Variants in TDRD9 observed in about 807,000 individuals in gnomAD.
TDRD9 encodes the protein ATP-dependent RNA helicase TDRD9.
In TDRD9, 124 loss-of-function variants were observed where a neutral mutation model predicts 172.6. That is an observed-to-expected ratio of 0.72 (90% CI 0.62 to 0.83). TDRD9 has a LOEUF of 0.83. TDRD9 is among the 40% of genes least tolerant of loss of function. TDRD9 has a pLI of 0.00. For missense variants in TDRD9, 1,479 were observed against 1,714.1 expected (o/e 0.86, Z 2.42); for synonymous variants, 619 against 617.1 (o/e 1.00, Z -0.05).
Position 104,016,016 on chromosome 14 carries a change from T to G in TDRD9, c.2259T>G (p.Phe753Leu). 1 of 1,601,240 alleles carries G rather than the reference T, an allele frequency of 6.2e-7. No individual in the cohort carries two copies. The highest frequency in any genetic ancestry group is 1.1e-5 in the South Asian group (1 of 88,506). The change falls in exon 22 of 36, where the codon TTT (phenylalanine) becomes TTG (leucine). Residue 753 changes from phenylalanine (F) to leucine (L), a missense_variant. Coordinates refer to ENST00000409874, the MANE Select transcript of TDRD9 (RefSeq NM_153046.3). ...CAGGTGCTTTCTATCCAAATTACTTTACTTTTGGACAGCCGGATGAGGAGA... is the reference window on the plus strand; with the variant it reads ...CAGGTGCTTTCTATCCAAATTACTTGACTTTTGGACAGCCGGATGAGGAGA... The part of the protein sequence containing the change: ...VLAGAFYPNY[F>L]TFGQPDEEMA...
rs184022589 is a variant in TDRD9, at chr14:103,970,082, G to T, written c.766-459G>T. Among the ~76,000 whole-genome samples the T allele has an allele frequency of 6.6e-5, 10 of 152,254 alleles. No individual in the cohort carries two copies. The South Asian group carries it at 2.1e-3, about 32-fold the overall frequency. ...GTCCTGTAGGGGTCACATGGCTCCC[G>T]GTCAGTGTTAGACTGGCACATCTTC... On this transcript the variant is annotated intron_variant, in intron 5 of 35. Coordinates refer to ENST00000409874, the MANE Select transcript of TDRD9 (RefSeq NM_153046.3).
At chr14:104,044,725 A>G (rs1457114100) in intron 34 of TDRD9, among the ~76,000 whole-genome samples, 5 of 152,238 alleles carry the variant, frequency 3.3e-5, no homozygotes, top group Non-Finnish European at 1.5e-5. Flanking sequence ...GTATTTGGCC[A>G]TTATGAAGAA....
At chr14:104,003,624 TTA>T (rs2034334463) in intron 13 of TDRD9, among the ~76,000 whole-genome samples, 1 of 152,202 alleles carries the variant, frequency 6.6e-6, no homozygotes, top group Non-Finnish European at 1.5e-5. Context: ...GACTATTTTA[TTA>T]TGTGTTAGGA....
At chr14:104,019,741 T>C (rs1372583073) in intron 23 of TDRD9, among the ~76,000 whole-genome samples, 4 of 152,234 alleles carry the variant, frequency 2.6e-5, no homozygotes, top group Non-Finnish European at 5.9e-5. Flanking sequence ...TACCTGGGCA[T>C]ATCATGTTCT....
chr14:104,031,265 T>A lies in TDRD9; in HGVS notation c.3438+2T>A. Reference sequence around the variant, plus strand: ...AAACTGGGTACTCCAAACTGTAAGGTGATTGTAGGAGTTTTAAAATGTAAT... The same window carrying A: ...AAACTGGGTACTCCAAACTGTAAGGAGATTGTAGGAGTTTTAAAATGTAAT... On this transcript the variant is annotated splice_donor_variant, in intron 29 of 35. Coordinates refer to ENST00000409874, the MANE Select transcript of TDRD9 (RefSeq NM_153046.3). LOFTEE classifies it high-confidence loss of function. 2 of 1,547,472 alleles carry A rather than the reference T, an allele frequency of 1.3e-6. No individual in the cohort carries two copies. Among genetic ancestry groups the A allele is most frequent in the Non-Finnish European group, 1.7e-6 (2 of 1,145,498 alleles).
At chr14:104,023,321 A>G (rs1303725557) in intron 24 of TDRD9, among the ~76,000 whole-genome samples, 1 of 151,612 alleles carries the variant, frequency 6.6e-6, no homozygotes, top group Non-Finnish European at 1.5e-5. Context: ...GTCTTCCTAG[A>G]TAGGATTATG....
At chr14:103,943,501 A>G (rs890213779) in intron 1 of TDRD9, among the ~76,000 whole-genome samples, 39 of 149,980 alleles carry the variant, frequency 2.6e-4, no homozygotes, top group African/African-American at 8.8e-4. Context: ...ATATATACAC[A>G]CACACATACA....
intron 34 of TDRD9, among the ~76,000 whole-genome samples, chr14:104,045,722 A>T (rs927332508): frequency 7.2e-5 from 11 of 152,176 alleles, no homozygotes; most frequent in African/African-American, 2.7e-4. Context: ...AGAGAGGGTT[A>T]GTTATCAAGA....
rs1366094210 is a variant in TDRD9, at chr14:103,952,190, G to GTGTGTATA, written c.216-3473_216-3472insGTGTATAT. Among the ~76,000 whole-genome samples the GTGTGTATA allele has an allele frequency of 1.0e-2, 552 of 55,446 alleles. 4 individuals carry two copies. Among genetic ancestry groups the GTGTGTATA allele is most frequent in the South Asian group, 0.025 (37 of 1,508 alleles). The allele number at this position is 55,446 out of a possible 152,430, so 36.4% of individuals were successfully genotyped here. On this transcript the variant is annotated intron_variant, in intron 1 of 35. Coordinates refer to ENST00000409874, the MANE Select transcript of TDRD9 (RefSeq NM_153046.3). ...TGTATATATGTGTGTGCGTGTGTGT[G>GTGTGTATA]TATATATATATATATATATATATAT...
chr14:103,951,179 A>G (rs534587537), intron 1 of TDRD9, among the ~76,000 whole-genome samples: 37 of 152,328 alleles, frequency 2.4e-4, no homozygotes, highest in Admixed American at 4.6e-4. Context: ...TGCCCTAAAC[A>G]CAATTTTATA....
intron 28 of TDRD9, among the ~76,000 whole-genome samples, 155 bp from the exon 29 acceptor site, chr14:104,030,953 A>G (rs1029113116): frequency 1.3e-5 from 2 of 152,244 alleles, no homozygotes; most frequent in African/African-American, 4.8e-5. Flanking sequence ...CATTGTGCAC[A>G]TGTACCCTAA....
intron 1 of TDRD9, among the ~76,000 whole-genome samples, chr14:103,943,968 A>G (rs17101957): frequency 0.13 from 19,939 of 152,216 alleles, 1,717 homozygotes; most frequent in East Asian, 0.27. Context: ...TACTGTTAGG[A>G]GAAGGAAAGG....
At position 103,998,045 on chromosome 14, in the gene TDRD9, G is replaced by A. The variant is rs561121078; in HGVS notation, c.1379-579G>A. 1.3e-4 allele frequency among the ~76,000 whole-genome samples: 20 copies of A among 152,202 alleles called. 1 individual carries two copies. Among genetic ancestry groups the A allele is most frequent in the Middle Eastern group, 6.8e-3 (2 of 294 alleles). On this transcript the variant is annotated intron_variant, in intron 12 of 35. Transcript: ENST00000409874. ...GCTGATGGGAGATCCCCAGTGCTTT[G>A]CCTGTGTGAGGGGGAAAGGTGTGGT...
intron 23 of TDRD9, among the ~76,000 whole-genome samples, chr14:104,021,069 G>A (rs766030636): frequency 6.6e-6 from 1 of 152,176 alleles, no homozygotes; most frequent in African/African-American, 2.4e-5. Flanking sequence ...TTGGCTCATG[G>A]TTCTGCAGGC....
chr14:103,985,366 C>T (rs930225295), intron 7 of TDRD9, among the ~76,000 whole-genome samples: 2 of 152,162 alleles, frequency 1.3e-5, no homozygotes, highest in Non-Finnish European at 2.9e-5. Context: ...GAGTAAGTCT[C>T]ATGAAATCCG....
chr14:103,947,822 C>A (rs1336781429), intron 1 of TDRD9, among the ~76,000 whole-genome samples: 2 of 152,140 alleles, frequency 1.3e-5, no homozygotes, highest in African/African-American at 4.8e-5. Context: ...GCAATAATTT[C>A]TTGGATATGA....
chr14:103,995,036 A>G (rs2034007831), intron 11 of TDRD9, among the ~76,000 whole-genome samples: 1 of 152,044 alleles, frequency 6.6e-6, no homozygotes, highest in Non-Finnish European at 1.5e-5. Flanking sequence ...TATTTACCTA[A>G]TGAGCCAGGT....
chr14:103,977,953 C>G (rs770260422), intron 7 of TDRD9, among the ~76,000 whole-genome samples: 3 of 152,082 alleles, frequency 2.0e-5, no homozygotes, highest in African/African-American at 4.8e-5. Flanking sequence ...GTTCTTGATG[C>G]CTTTCTTAAA....
chr14:103,934,021 C>T (rs2030579825), intron 1 of TDRD9, among the ~76,000 whole-genome samples: 1 of 151,926 alleles, frequency 6.6e-6, no homozygotes. Flanking sequence ...TCTGTTCACC[C>T]ACAAAATCCA....
Sources: allele counts gnomAD v4.1 joint callset (sites outside exome capture counted in the v4.1 genomes callset), GRCh38; gene constraint gnomAD v4.1.1; transcripts MANE v1.5; gene names NCBI Gene and HGNC (gene_info 2026-07-23, HGNC 2026-07-21).